Variants in MAGI2 observed in about 807,000 individuals in gnomAD.
MAGI2 encodes the protein membrane associated guanylate kinase, WW and PDZ domain containing 2.
A neutral mutation model predicts 133.3 loss-of-function variants in MAGI2; 35 were observed. The observed-to-expected ratio is 0.26, with a 90% CI of 0.20 to 0.35. MAGI2 has a LOEUF of 0.35. Ranked by LOEUF, MAGI2 falls within the 10% of genes least tolerant of loss-of-function variation. MAGI2 has a pLI of 1.00. For missense variants in MAGI2, 1,636 were observed against 1,863.4 expected, an observed-to-expected ratio of 0.88 and a Z score of 2.25; for synonymous variants, 729 against 710.6, an observed-to-expected ratio of 1.03 and a Z score of -0.41.
chr7:79,403,868 G>C (rs1457046324), intron 1 of MAGI2, among the ~76,000 whole-genome samples: 3 of 152,150 alleles, frequency 2.0e-5, no homozygotes, highest in Admixed American at 1.3e-4. Context: ...CAATGACATA[G>C]AGTAGTGTAT....
chr7:79,367,695 T>C (rs1430422781), intron 1 of MAGI2, among the ~76,000 whole-genome samples: 1 of 151,886 alleles, frequency 6.6e-6, no homozygotes, highest in East Asian at 1.9e-4. Flanking sequence ...ACAAGATTCT[T>C]ATCCATTTGA....
At chr7:78,457,727 T>C (rs548089781) in intron 6 of MAGI2, among the ~76,000 whole-genome samples, 7 of 152,292 alleles carry the variant, frequency 4.6e-5, no homozygotes, top group African/African-American at 1.7e-4. Context: ...AGTAATGTAA[T>C]AATCAATTCT....
At chr7:79,447,200 A>G (rs1259741145) in intron 1 of MAGI2, among the ~76,000 whole-genome samples, 1 of 152,144 alleles carries the variant, frequency 6.6e-6, no homozygotes, top group Non-Finnish European at 1.5e-5. Flanking sequence ...TTAATTATCT[A>G]TGATGATATG....
intron 5 of MAGI2, among the ~76,000 whole-genome samples, chr7:78,496,483 C>G (rs1185201213): frequency 6.6e-6 from 1 of 152,168 alleles, no homozygotes; most frequent in Admixed American, 6.5e-5. Flanking sequence ...CCAGATTAAC[C>G]CTGTGGCAGC....
intron 1 of MAGI2, among the ~76,000 whole-genome samples, chr7:79,428,659 C>A (rs1847563407): frequency 6.6e-6 from 1 of 152,054 alleles, no homozygotes; most frequent in Admixed American, 6.5e-5. Context: ...TATATGTTTT[C>A]TGATGATATA....
At chr7:78,236,695 T>G (rs1790576359) in intron 10 of MAGI2, among the ~76,000 whole-genome samples, 1 of 152,130 alleles carries the variant, frequency 6.6e-6, no homozygotes, top group East Asian at 1.9e-4. Flanking sequence ...CTGGGGTAAA[T>G]AACATTAGAA....
At chr7:78,642,277 G>T (rs1380274366) in intron 2 of MAGI2, among the ~76,000 whole-genome samples, 1 of 152,126 alleles carries the variant, frequency 6.6e-6, no homozygotes, top group Non-Finnish European at 1.5e-5. Flanking sequence ...ACATGATAAA[G>T]TTGTATATGA....
At chr7:78,534,854 G>T (rs894753021) in intron 3 of MAGI2, among the ~76,000 whole-genome samples, 3 of 152,176 alleles carry the variant, frequency 2.0e-5, no homozygotes, top group Non-Finnish European at 4.4e-5. Context: ...AATGAGTAAG[G>T]CCAGGTGCAG....
chr7:79,040,836 T>C (rs1240082034), intron 1 of MAGI2, among the ~76,000 whole-genome samples: 4 of 152,232 alleles, frequency 2.6e-5, no homozygotes, highest in Non-Finnish European at 5.9e-5. Context: ...AATGCAGAAC[T>C]GTGAGTCAAT....
chr7:79,234,378 C>A (rs1228921111), intron 1 of MAGI2, among the ~76,000 whole-genome samples: 1 of 151,932 alleles, frequency 6.6e-6, no homozygotes, highest in Non-Finnish European at 1.5e-5. Flanking sequence ...TGGACAATAT[C>A]CTGCAGAGTG....
At chr7:78,366,548 A>G (rs553197419) in intron 7 of MAGI2, among the ~76,000 whole-genome samples, 1 of 152,334 alleles carries the variant, frequency 6.6e-6, no homozygotes, top group African/African-American at 2.4e-5. Context: ...ATAGTGCAAT[A>G]GAGATGAGAT....
At chr7:78,700,521 T>A (rs1031091111) in intron 2 of MAGI2, among the ~76,000 whole-genome samples, 2 of 152,118 alleles carry the variant, frequency 1.3e-5, no homozygotes, top group Non-Finnish European at 2.9e-5. Context: ...CTCTCATCTT[T>A]TAAGGTTTTA....
chr7:79,110,965 G>A (rs1471066011), intron 1 of MAGI2, among the ~76,000 whole-genome samples: 4 of 152,110 alleles, frequency 2.6e-5, no homozygotes, highest in Non-Finnish European at 4.4e-5. Flanking sequence ...GCTGGCTCCC[G>A]CTTTGCCTCC....
chr7:78,229,399 A>G (rs1789726256), intron 10 of MAGI2, among the ~76,000 whole-genome samples: 1 of 152,224 alleles, frequency 6.6e-6, no homozygotes, highest in African/African-American at 2.4e-5. Context: ...CCTAACAACC[A>G]TGCTGGGCTG....
intron 1 of MAGI2, among the ~76,000 whole-genome samples, chr7:79,327,710 C>G (rs1235741324): frequency 6.6e-6 from 1 of 152,028 alleles, no homozygotes; most frequent in African/African-American, 2.4e-5. Flanking sequence ...CACACTCACA[C>G]ACACCTTTTT....
intron 10 of MAGI2, among the ~76,000 whole-genome samples, chr7:78,209,367 T>C (rs1787524998): frequency 6.7e-6 from 1 of 148,662 alleles, no homozygotes; most frequent in Non-Finnish European, 1.5e-5. Flanking sequence ...GTTCAGGCCA[T>C]TCTCCTGTCT....
intron 1 of MAGI2, among the ~76,000 whole-genome samples, chr7:79,426,800 A>C: frequency 6.6e-6 from 1 of 152,188 alleles, no homozygotes; most frequent in East Asian, 1.9e-4. Context: ...CATGAGTGAT[A>C]TCTTGAGCTG....
chr7:78,781,800 C>T (rs929660590), intron 2 of MAGI2, among the ~76,000 whole-genome samples: 7 of 152,074 alleles, frequency 4.6e-5, no homozygotes, highest in African/African-American at 1.7e-4. Context: ...GAAAAAACAT[C>T]CTAACTATTA....
intron 13 of MAGI2, among the ~76,000 whole-genome samples, chr7:78,180,876 C>T (rs1827121294): frequency 6.9e-6 from 1 of 144,264 alleles, no homozygotes; most frequent in Admixed American, 7.0e-5. Context: ...CAGAAATAGT[C>T]AACTGGAAAA....
Sources: allele counts gnomAD v4.1 joint callset (sites outside exome capture counted in the v4.1 genomes callset), GRCh38; gene constraint gnomAD v4.1.1; transcripts MANE v1.5; gene names NCBI Gene and HGNC (gene_info 2026-07-23, HGNC 2026-07-21).